The following GRID2 variants were observed in gnomAD, a reference collection of about 807,000 sequenced individuals.
GRID2 encodes the protein glutamate receptor ionotropic, delta-2.
In GRID2, 33 loss-of-function variants were observed where a neutral mutation model predicts 114.8. That is an observed-to-expected ratio of 0.29 (90% CI 0.22 to 0.38). The LOEUF is 0.38. GRID2 is among the 10% of genes least tolerant of loss of function. The probability of loss-of-function intolerance (pLI) is 1.00; values close to 1 mark genes in which losing one functional copy is unlikely to be tolerated. For synonymous variants in GRID2, 505 were observed against 449.9 expected, an observed-to-expected ratio of 1.12 and a Z score of -1.55; for missense variants, 1,184 against 1,257.7, an observed-to-expected ratio of 0.94 and a Z score of 0.89.
chr4:93,631,582 G>A (rs1050007036), intron 14 of GRID2, among the ~76,000 whole-genome samples: 10 of 151,962 alleles, frequency 6.6e-5, no homozygotes, highest in Admixed American at 2.0e-4. Context: ...TCCATGGTGT[G>A]TATGTGCCAC....
chr4:93,135,547 G>T (rs946558121), intron 4 of GRID2, among the ~76,000 whole-genome samples: 3 of 152,094 alleles, frequency 2.0e-5, no homozygotes, highest in African/African-American at 7.2e-5. Flanking sequence ...ATGACTGTTT[G>T]TGTCCTTCCT....
intron 2 of GRID2, among the ~76,000 whole-genome samples, chr4:92,733,856 A>G (rs564382408): frequency 1.3e-5 from 2 of 152,156 alleles, no homozygotes; most frequent in South Asian, 4.1e-4. Flanking sequence ...TGATGGAGGA[A>G]CAGCAAGGAT....
At chr4:93,759,309 A>T (rs1266570385) in intron 14 of GRID2, among the ~76,000 whole-genome samples, 1 of 152,206 alleles carries the variant, frequency 6.6e-6, no homozygotes, top group Non-Finnish European at 1.5e-5. Context: ...TAACCTAGAG[A>T]GATCAATTTG....
At chr4:93,598,039 C>T (rs1345197800) in intron 13 of GRID2, among the ~76,000 whole-genome samples, 5 of 152,162 alleles carry the variant, frequency 3.3e-5, no homozygotes, top group Admixed American at 6.6e-5. Flanking sequence ...AGACAGTTTG[C>T]TGTGAACGAA....
intron 13 of GRID2, among the ~76,000 whole-genome samples, chr4:93,590,056 A>G (rs1411922579): frequency 0.027 from 3,953 of 148,390 alleles, 57 homozygotes; most frequent in African/African-American, 0.039. Flanking sequence ...TCTTTAGTTT[A>G]ATTAGATCCC....
chr4:92,904,109 C>T (rs918158357), intron 2 of GRID2, among the ~76,000 whole-genome samples: 3 of 151,686 alleles, frequency 2.0e-5, no homozygotes, highest in Non-Finnish European at 3.0e-5. Flanking sequence ...TCCTCACTTT[C>T]AACTTTAAAT....
intron 2 of GRID2, among the ~76,000 whole-genome samples, chr4:92,696,878 C>T (rs778457237): frequency 2.0e-5 from 3 of 152,052 alleles, no homozygotes; most frequent in South Asian, 2.1e-4. Flanking sequence ...AATAAAAAAT[C>T]TTTGATTTTA....
intron 2 of GRID2, among the ~76,000 whole-genome samples, chr4:92,642,329 C>A: frequency 6.6e-6 from 1 of 151,834 alleles, no homozygotes; most frequent in Middle Eastern, 3.4e-3. Flanking sequence ...TTAATAGTAG[C>A]CATTCTGACT....
rs192164773 is a variant in GRID2 at position 92,440,863 on chromosome 4, A to G, written c.88+136119A>G. Among the ~76,000 whole-genome samples, 1,079 of 152,262 alleles carry G rather than the reference A, an allele frequency of 7.1e-3. 12 individuals are homozygous for G. Among genetic ancestry groups the G allele is most frequent in the African/African-American group, 0.024 (1,014 of 41,528 alleles). The stretch of plus-strand genomic sequence containing the variant: ...GTGGGAGGCTGAAGTCTGGGCCAGG[A>G]ACAACGGTAATTGTGGGAGACTCAA... On this transcript the variant is annotated intron_variant, in intron 1 of 15. Coordinates refer to ENST00000282020, the MANE Select transcript of GRID2 (RefSeq NM_001510.4).
At chr4:93,229,237 T>C (rs980085362) in intron 7 of GRID2, among the ~76,000 whole-genome samples, 3 of 152,158 alleles carry the variant, frequency 2.0e-5, no homozygotes, top group African/African-American at 7.2e-5. Flanking sequence ...CTGGTGATAC[T>C]CCACACATTA....
At chr4:92,559,118 A>G (rs1726998818) in intron 1 of GRID2, among the ~76,000 whole-genome samples, 1 of 152,126 alleles carries the variant, frequency 6.6e-6, no homozygotes, top group African/African-American at 2.4e-5. Context: ...AATTATTCCT[A>G]TTTTGCTTAA....
At chr4:92,830,759 T>C (rs1050413736) in intron 2 of GRID2, among the ~76,000 whole-genome samples, 2 of 152,190 alleles carry the variant, frequency 1.3e-5, no homozygotes, top group Non-Finnish European at 2.9e-5. Context: ...TACACTCTTA[T>C]TTAAACTAAA....
chr4:93,095,608 C>T (rs182932522), intron 3 of GRID2, among the ~76,000 whole-genome samples: 11 of 151,954 alleles, frequency 7.2e-5, no homozygotes, highest in Admixed American at 2.6e-4. Context: ...AGCCTATATT[C>T]GCAAGTAATT....
intron 2 of GRID2, among the ~76,000 whole-genome samples, chr4:93,048,740 C>T (rs1289970479): frequency 6.6e-6 from 1 of 151,970 alleles, no homozygotes; most frequent in African/African-American, 2.4e-5. Flanking sequence ...TAATTTTTTT[C>T]TTAATGGAGA....
intron 8 of GRID2, among the ~76,000 whole-genome samples, chr4:93,375,455 C>A (rs944744337): frequency 6.6e-6 from 1 of 152,040 alleles, no homozygotes; most frequent in African/African-American, 2.4e-5. Context: ...TCATAATCTG[C>A]CCACTTCATT....
At chr4:92,655,337 T>C (rs959104598) in intron 2 of GRID2, among the ~76,000 whole-genome samples, 3 of 152,020 alleles carry the variant, frequency 2.0e-5, no homozygotes, top group Non-Finnish European at 4.4e-5. Context: ...GTGTCCTTTT[T>C]ACTCAGAGTT....
chr4:92,872,173 C>T (rs1026719367), intron 2 of GRID2, among the ~76,000 whole-genome samples: 7 of 152,006 alleles, frequency 4.6e-5, no homozygotes, highest in Non-Finnish European at 1.0e-4. Flanking sequence ...ATTATGTTAA[C>T]AATTTATTAG....
intron 8 of GRID2, among the ~76,000 whole-genome samples, chr4:93,294,845 C>A (rs988799151): frequency 1.3e-5 from 2 of 152,174 alleles, no homozygotes; most frequent in African/African-American, 2.4e-5. Context: ...CAGGCATGAG[C>A]CACCGTGCCC....
At chr4:93,337,640 A>G (rs1178911482) in intron 8 of GRID2, among the ~76,000 whole-genome samples, 2 of 152,058 alleles carry the variant, frequency 1.3e-5, no homozygotes, top group African/African-American at 2.4e-5. Flanking sequence ...CTATATAAGC[A>G]TCCTTGAAAA....
Sources: gnomAD v4.1 joint callset for allele counts (sites outside exome capture counted in the v4.1 genomes callset) on GRCh38, gnomAD v4.1.1 for gene constraint, MANE v1.5 for transcripts, NCBI Gene and HGNC (gene_info 2026-07-23, HGNC 2026-07-21) for gene names.